Variants in PDZRN4 observed in about 807,000 individuals in gnomAD.
PDZRN4 encodes the protein PDZ domain-containing RING finger protein 4.
A neutral mutation model predicts 99.0 loss-of-function variants in PDZRN4; 70 were observed. That is an observed-to-expected ratio of 0.71 (90% CI 0.58 to 0.86). The LOEUF (loss-of-function observed/expected upper bound fraction) is 0.86. Among genes scored for constraint, PDZRN4 ranks in the 40% least tolerant of loss-of-function variants. PDZRN4 has a pLI of 0.00. For missense variants in PDZRN4, 1,474 were observed against 1,331.2 expected, an observed-to-expected ratio of 1.11 and a Z score of -1.67; for synonymous variants, 551 against 501.6, an observed-to-expected ratio of 1.10 and a Z score of -1.32.
chr12:41,528,794 C>T (rs1355000217), intron 5 of PDZRN4, among the ~76,000 whole-genome samples: 1 of 152,156 alleles, frequency 6.6e-6, no homozygotes, highest in Non-Finnish European at 1.5e-5. Flanking sequence ...TATTCTTTAA[C>T]ACATAAGTTT....
At chr12:41,384,175 A>G (rs1239118756) in intron 3 of PDZRN4, among the ~76,000 whole-genome samples, 2 of 151,898 alleles carry the variant, frequency 1.3e-5, no homozygotes, top group African/African-American at 2.4e-5. Flanking sequence ...CTAGGCTGCT[A>G]ATTCATTTAT....
intron 4 of PDZRN4, among the ~76,000 whole-genome samples, chr12:41,507,868 C>T (rs1938235190): frequency 6.6e-6 from 1 of 151,976 alleles, no homozygotes; most frequent in Admixed American, 6.6e-5. Context: ...TGGCATAAAA[C>T]TATGAACAAA....
At chr12:41,263,140 G>A (rs1310829231) in intron 3 of PDZRN4, among the ~76,000 whole-genome samples, 2 of 152,112 alleles carry the variant, frequency 1.3e-5, no homozygotes, top group African/African-American at 2.4e-5. Context: ...GTACACACAC[G>A]TACATGTATC....
chr12:41,252,126 A>G (rs1346821550), intron 3 of PDZRN4, among the ~76,000 whole-genome samples: 1 of 151,118 alleles, frequency 6.6e-6, no homozygotes, highest in Non-Finnish European at 1.5e-5. Context: ...AAATAAATAA[A>G]TAAATAAATA....
At chr12:41,220,148 A>G (rs1397788266) in intron 3 of PDZRN4, among the ~76,000 whole-genome samples, 1 of 152,130 alleles carries the variant, frequency 6.6e-6, no homozygotes, top group East Asian at 1.9e-4. Context: ...CTGCCATAAC[A>G]AAGTCCCATA....
intron 9 of PDZRN4, among the ~76,000 whole-genome samples, chr12:41,568,428 G>A (rs1297766233): frequency 6.6e-6 from 1 of 152,114 alleles, no homozygotes; most frequent in Non-Finnish European, 1.5e-5. Context: ...GGCTGCTGTT[G>A]ACACATTTCC....
chr12:41,369,571 AG>A (rs1202819863), intron 3 of PDZRN4, among the ~76,000 whole-genome samples: 15 of 151,874 alleles, frequency 9.9e-5, no homozygotes, highest in Admixed American at 8.5e-4. Flanking sequence ...TAAGTCTTTA[AG>A]TGTGTACATT....
intron 5 of PDZRN4, among the ~76,000 whole-genome samples, chr12:41,543,355 G>A (rs1326248690): frequency 6.6e-6 from 1 of 152,162 alleles, no homozygotes; most frequent in Non-Finnish European, 1.5e-5. Context: ...GAGAGAGAGA[G>A]AGATCTGTGT....
intron 3 of PDZRN4, among the ~76,000 whole-genome samples, chr12:41,216,290 A>G (rs955126700): frequency 1.3e-5 from 2 of 152,020 alleles, no homozygotes; most frequent in Non-Finnish European, 2.9e-5. Context: ...GCAAGCAATC[A>G]TTATGCAAAT....
chr12:41,573,148 C>T lies in PDZRN4; in HGVS notation c.2369C>T (p.Ser790Leu). 6.2e-7 allele frequency: 1 copy of T among 1,614,052 alleles called. No individual in the cohort carries two copies. ...TCTTCCGGACAGAGCAGTAAAGAGT[C>T]GACCTCCACCAAAGCCAAAACCACT... ...QSSSGQSSKE[S>L]TSTKAKTTEQ... The change falls in exon 10 of 10, where the codon TCG becomes TTG. Residue 790 changes from serine (S) to leucine (L), a missense_variant. Ser to Leu is a moderately radical substitution (Grantham distance 145, BLOSUM62 -2). Coordinates refer to ENST00000402685, the MANE Select transcript of PDZRN4 (RefSeq NM_001164595.2).
intron 3 of PDZRN4, among the ~76,000 whole-genome samples, chr12:41,256,040 C>T (rs2120819971): frequency 6.6e-6 from 1 of 152,184 alleles, no homozygotes. Context: ...CATATCGGCT[C>T]TTGAGGATTC....
At chr12:41,338,148 T>A (rs10880041) in intron 3 of PDZRN4, among the ~76,000 whole-genome samples, 2 of 152,026 alleles carry the variant, frequency 1.3e-5, no homozygotes, top group African/African-American at 4.8e-5. Flanking sequence ...TTTCTGTATC[T>A]TGTCTATATC....
intron 3 of PDZRN4, among the ~76,000 whole-genome samples, chr12:41,469,346 A>G (rs1047640607): frequency 6.6e-6 from 1 of 152,208 alleles, no homozygotes; most frequent in Non-Finnish European, 1.5e-5. Flanking sequence ...AAAGAATTTC[A>G]ACTGACCTTG....
chr12:41,512,187 T>C (rs2120689633), intron 5 of PDZRN4, among the ~76,000 whole-genome samples: 1 of 152,200 alleles, frequency 6.6e-6, no homozygotes, highest in East Asian at 1.9e-4. Flanking sequence ...ATTTGTACCA[T>C]AAATATTTAA....
chr12:41,319,477 T>A (rs1438074489), intron 3 of PDZRN4, among the ~76,000 whole-genome samples: 1 of 152,110 alleles, frequency 6.6e-6, no homozygotes, highest in African/African-American at 2.4e-5. Flanking sequence ...TCCCTCATCA[T>A]TCTGCACAAA....
At chr12:41,265,243 T>C (rs1196905336) in intron 3 of PDZRN4, among the ~76,000 whole-genome samples, 2 of 152,218 alleles carry the variant, frequency 1.3e-5, no homozygotes, top group East Asian at 3.8e-4. Context: ...TGATCATTTA[T>C]ATTAAAGGAC....
At position 41,516,526 on chromosome 12, in the gene PDZRN4, G is replaced by A. The variant is rs184014339; in HGVS notation, c.1203+6613G>A. ...GATATCAATTTGTCTAGTAATTAGAGGAAATGGATTTAAGTGTATACCTGA... is the reference window on the plus strand; with the variant it reads ...GATATCAATTTGTCTAGTAATTAGAAGAAATGGATTTAAGTGTATACCTGA... On this transcript the variant is annotated intron_variant, in intron 5 of 9. Coordinates refer to ENST00000402685, the MANE Select transcript of PDZRN4 (RefSeq NM_001164595.2). Among the ~76,000 whole-genome samples, 15 of 152,166 alleles carry A rather than the reference G, an allele frequency of 9.9e-5. No homozygotes were observed. The East Asian group carries it at 1.7e-3, about 18-fold the overall frequency.
intron 3 of PDZRN4, among the ~76,000 whole-genome samples, chr12:41,299,453 T>A (rs1437019564): frequency 1.3e-5 from 2 of 152,072 alleles, no homozygotes; most frequent in Admixed American, 1.3e-4. Context: ...TAATTATTGG[T>A]TCTGAGTTCA....
chr12:41,406,616 C>A (rs1277945489), intron 3 of PDZRN4, among the ~76,000 whole-genome samples: 1 of 151,916 alleles, frequency 6.6e-6, no homozygotes, highest in Non-Finnish European at 1.5e-5. Context: ...AATTCAGGCC[C>A]GGCACGGTGG....
Sources: gnomAD v4.1 joint callset for allele counts (sites outside exome capture counted in the v4.1 genomes callset) on GRCh38, gnomAD v4.1.1 for gene constraint, MANE v1.5 for transcripts, NCBI Gene and HGNC (gene_info 2026-07-23, HGNC 2026-07-21) for gene names.